The following RCSD1 variants were observed in gnomAD, a reference collection of about 807,000 sequenced individuals.
RCSD1 encodes capZ-interacting protein.
Under a neutral mutation model 42.5 loss-of-function variants are expected in RCSD1, and 26 were observed. The ratio of observed to expected loss-of-function variants is 0.61; its 90% CI spans 0.45 to 0.85. RCSD1 has a LOEUF of 0.85. RCSD1 is among the 40% of genes least tolerant of loss of function. RCSD1 has a pLI of 0.00. For missense variants in RCSD1, 571 were observed against 528.3 expected, an observed-to-expected ratio of 1.08 and a Z score of -0.79; for synonymous variants, 220 against 212.2, an observed-to-expected ratio of 1.04 and a Z score of -0.32.
intron 5 of RCSD1, 105 bp from the exon 6 acceptor site, chr1:167,696,994 G>T: frequency 9.7e-7 from 1 of 1,030,792 alleles, no homozygotes; most frequent in Non-Finnish European, 1.4e-6. Flanking sequence ...TCCTTGCGTG[G>T]ACTTGTGAAG....
intron 3 of RCSD1, among the ~76,000 whole-genome samples, chr1:167,687,669 T>C (rs1659270021): frequency 6.6e-6 from 1 of 152,248 alleles, no homozygotes; most frequent in African/African-American, 2.4e-5. Context: ...GCTGGAAACC[T>C]TGGGGGCCTG....
chr1:167,704,685 A>G lies in RCSD1; in HGVS notation c.1240A>G (p.Thr414Ala), dbSNP rs754858201. The change falls in exon 7 of 7, where the codon ACT becomes GCT. Residue 414 changes from threonine to alanine, a missense_variant. Physicochemically the swap from Thr to Ala is moderately conservative, Grantham distance 58. Transcript: ENST00000367854. ...ACAGGATGACACTCCTGTCCAGGAC[A>G]CTAAAATGTGAAGAACAGCTCATTG... ...KPEDDTPVQDTKM is the reference protein window; with the variant it reads ...KPEDDTPVQDAKM 6.8e-6 allele frequency: 11 copies of G among 1,613,044 alleles called. No homozygotes were observed. The highest frequency in any genetic ancestry group is 9.3e-6 in the Non-Finnish European group (11 of 1,179,200).
rs545688747 is a variant in RCSD1 at position 167,646,138 on chromosome 1, C to T, written c.6+15709C>T. Among the ~76,000 whole-genome samples, 8 of 152,236 alleles carry T rather than the reference C, an allele frequency of 5.3e-5. No individual in the cohort carries two copies. In the East Asian group the frequency reaches 1.3e-3, roughly 26 times the overall value. ...AAGTGATCAGAATGACTGTGTTTTC[C>T]ATCTAGGAGCATGGAGAATTTTACT... On this transcript the variant is annotated intron_variant, in intron 1 of 6. Transcript: ENST00000367854.
In RCSD1 at chr1:167,693,901, T is replaced by A. The variant is rs375550715; in HGVS notation, c.271-198T>A. Among the ~76,000 whole-genome samples the A allele has an allele frequency of 4.9e-4, 73 of 149,822 alleles. 1 individual carries two copies. Among genetic ancestry groups the A allele is most frequent in the African/African-American group, 1.7e-3 (69 of 40,826 alleles). On this transcript the variant is annotated intron_variant, in intron 4 of 6. Coordinates refer to ENST00000367854, the MANE Select transcript of RCSD1 (RefSeq NM_052862.4). Reference sequence around the variant, plus strand: ...GGAATGCAGCCTGTGGCAAGCCAGGTAGCAGAGGAGGATAGAGTAGGCAAT... The same window carrying A: ...GGAATGCAGCCTGTGGCAAGCCAGGAAGCAGAGGAGGATAGAGTAGGCAAT...
chr1:167,671,930 G>T (rs1658819066), intron 1 of RCSD1, among the ~76,000 whole-genome samples: 2 of 152,194 alleles, frequency 1.3e-5, no homozygotes, highest in Non-Finnish European at 2.9e-5. Flanking sequence ...AGAATGACCA[G>T]CTCTGCTTAC....
intron 3 of RCSD1, among the ~76,000 whole-genome samples, chr1:167,685,746 G>T (rs999233622): frequency 6.6e-6 from 1 of 152,080 alleles, no homozygotes; most frequent in Non-Finnish European, 1.5e-5. Flanking sequence ...TCAAGGACAC[G>T]AACACTATTT....
rs1368643437 is a variant in RCSD1, at chr1:167,697,288, G to A, written c.664G>A (p.Gly222Arg). The change falls in exon 6 of 7, where the codon GGA becomes AGA. Residue 222 changes from glycine (G) to arginine (R), a missense_variant. Gly to Arg is a moderately radical substitution (Grantham distance 125). Transcript: ENST00000367854. ...KAPGSPLSSE[G>R]AAGEGVRTLG... ...CCCAGGATCCCCTTTGTCCAGTGAGGGAGCAGCGGGAGAGGGAGTGAGAAC... is the reference window on the plus strand; with the variant it reads ...CCCAGGATCCCCTTTGTCCAGTGAGAGAGCAGCGGGAGAGGGAGTGAGAAC... 1 of 1,614,122 alleles carries A rather than the reference G, an allele frequency of 6.2e-7. No individual in the cohort carries two copies. The highest frequency in any genetic ancestry group is 8.5e-7 in the Non-Finnish European group (1 of 1,180,018).
intron 1 of RCSD1, among the ~76,000 whole-genome samples, chr1:167,669,999 G>A (rs2294643): frequency 9.2e-6 from 1 of 109,002 alleles, no homozygotes; most frequent in Non-Finnish European, 1.9e-5. Flanking sequence ...ACACGCACAC[G>A]CACACTCACA....
In RCSD1 at chr1:167,697,322, C is replaced by T. The variant is rs1416911827; in HGVS notation, c.698C>T (p.Pro233Leu). 1 of 1,614,086 alleles carries T rather than the reference C, an allele frequency of 6.2e-7. No homozygotes were observed. The change falls in exon 6 of 7, where the codon CCT becomes CTT. Residue 233 changes from proline to leucine, a missense_variant. Physicochemically the swap from Pro to Leu is moderately conservative, Grantham distance 98 (BLOSUM62 -3). Transcript: ENST00000367854. ...GGAGAGGGAGTGAGAACCCTGGGAC[C>T]TGCTGAAAAGCCTCCTCTGAGGAGG... The part of the protein sequence containing the change: ...AAGEGVRTLG[P>L]AEKPPLRRSP...
chr1:167,674,533 T>C (rs1365320744), intron 1 of RCSD1, among the ~76,000 whole-genome samples: 1 of 152,248 alleles, frequency 6.6e-6, no homozygotes. Context: ...CTTTTTGGTA[T>C]GTTCACAGAC....
At chr1:167,656,922 G>A (rs1048047969) in intron 1 of RCSD1, among the ~76,000 whole-genome samples, 2 of 152,220 alleles carry the variant, frequency 1.3e-5, no homozygotes, top group African/African-American at 4.8e-5. Flanking sequence ...CTGACACAGA[G>A]TAGAAAGAGA....
At chr1:167,680,339 G>T (rs1020428580) in intron 1 of RCSD1, among the ~76,000 whole-genome samples, 1 of 152,080 alleles carries the variant, frequency 6.6e-6, no homozygotes, top group Non-Finnish European at 1.5e-5. Flanking sequence ...ATGGGGGTGA[G>T]TTGAGGGTGT....
chr1:167,630,967 T>C (rs1461677763), intron 1 of RCSD1, among the ~76,000 whole-genome samples: 1 of 152,212 alleles, frequency 6.6e-6, no homozygotes, highest in East Asian at 1.9e-4. Context: ...AAGTCCTTCC[T>C]GTGTCTGTCG....
intron 1 of RCSD1, among the ~76,000 whole-genome samples, chr1:167,662,846 C>T (rs1474271435): frequency 6.6e-6 from 1 of 152,184 alleles, no homozygotes; most frequent in African/African-American, 2.4e-5. Flanking sequence ...GAGTTTCTTG[C>T]GATTCTGCCT....
At chr1:167,644,595 A>G (rs1225946094) in intron 1 of RCSD1, among the ~76,000 whole-genome samples, 1 of 152,220 alleles carries the variant, frequency 6.6e-6, no homozygotes, top group East Asian at 1.9e-4. Context: ...GAGTTCACCC[A>G]GGTAGATCAA....
intron 1 of RCSD1, among the ~76,000 whole-genome samples, chr1:167,662,427 GCCT>G (rs1257584288): frequency 2.6e-5 from 4 of 151,858 alleles, no homozygotes; most frequent in Admixed American, 2.0e-4. Flanking sequence ...TTCTCTTTCT[GCCT>G]CCTCATTTCT....
chr1:167,650,255 C>A (rs1277963476), intron 1 of RCSD1, among the ~76,000 whole-genome samples: 1 of 152,222 alleles, frequency 6.6e-6, no homozygotes, highest in Non-Finnish European at 1.5e-5. Flanking sequence ...TGTCTGCAAA[C>A]AGCTTGGTCC....
At chr1:167,648,468 A>T (rs1658219879) in intron 1 of RCSD1, among the ~76,000 whole-genome samples, 1 of 152,150 alleles carries the variant, frequency 6.6e-6, no homozygotes, top group African/African-American at 2.4e-5. Context: ...GCTCAGCGAG[A>T]TGTGCCAGGT....
At chr1:167,638,199 A>C (rs1247265929) in intron 1 of RCSD1, among the ~76,000 whole-genome samples, 1 of 152,134 alleles carries the variant, frequency 6.6e-6, no homozygotes, top group African/African-American at 2.4e-5. Context: ...CTGGCTTGTC[A>C]TCCTTTACAG....
Sources: allele counts gnomAD v4.1 joint callset (sites outside exome capture counted in the v4.1 genomes callset), GRCh38; gene constraint gnomAD v4.1.1; transcripts MANE v1.5; gene names NCBI Gene and HGNC (gene_info 2026-07-23, HGNC 2026-07-21).